The following ATP11B variants were observed in gnomAD, a reference collection of about 807,000 sequenced individuals.
The protein encoded by ATP11B is phospholipid-transporting ATPase IF.
A neutral mutation model predicts 157.8 loss-of-function variants in ATP11B; 81 were observed. The ratio of observed to expected loss-of-function variants is 0.51; its 90% CI spans 0.43 to 0.62. ATP11B has a LOEUF of 0.62. ATP11B is among the 20% of genes least tolerant of loss of function. ATP11B has a pLI of 0.00. For missense variants in ATP11B, 1,165 were observed against 1,402.2 expected, an observed-to-expected ratio of 0.83 and a Z score of 2.70; for synonymous variants, 451 against 469.4, an observed-to-expected ratio of 0.96 and a Z score of 0.51.
intron 2 of ATP11B, among the ~76,000 whole-genome samples, chr3:182,823,116 G>T (rs1354792762): frequency 3.7e-4 from 56 of 152,100 alleles, no homozygotes; most frequent in Non-Finnish European, 6.8e-4. Context: ...CTCTTTAGTT[G>T]AATTAGATCC....
intron 1 of ATP11B, among the ~76,000 whole-genome samples, chr3:182,813,053 CT>C (rs1163506182): frequency 6.6e-6 from 1 of 152,144 alleles, no homozygotes; most frequent in Non-Finnish European, 1.5e-5. Context: ...CATTTTCTTC[CT>C]TTTTAATGCT....
At position 182,918,219 on chromosome 3, in the gene ATP11B, T is replaced by C. The variant is rs1725262560; in HGVS notation, c.*115T>C. 5.5e-6 allele frequency: 8 copies of C among 1,448,040 alleles called. No individual in the cohort carries two copies. The highest frequency in any genetic ancestry group is 7.4e-6 in the Non-Finnish European group (8 of 1,073,842). The allele number at this position is 1,448,040 out of a possible 1,614,324, so 89.7% of individuals were successfully genotyped here. A position where few individuals can be genotyped will look rare whatever the true frequency, so the allele number is the denominator to read the frequency against. On this transcript the variant is annotated 3_prime_UTR_variant, in exon 30 of 30. Transcript: ENST00000323116. ...TTAATTTCCAAAATCTTTGTAGTAG[T>C]TCATACCCACTCAGAGTTATAATGG...
intron 26 of ATP11B, among the ~76,000 whole-genome samples, chr3:182,897,029 G>A (rs185483001): frequency 8.7e-4 from 133 of 152,222 alleles, no homozygotes; most frequent in Admixed American, 8.5e-4. Flanking sequence ...GTGCAAGACA[G>A]CGTAATTTGT....
At chr3:182,794,639 A>C (rs983772038) in intron 1 of ATP11B, among the ~76,000 whole-genome samples, 5 of 152,274 alleles carry the variant, frequency 3.3e-5, no homozygotes, top group Admixed American at 6.5e-5. Context: ...AAGGCCTATA[A>C]AAAGTGCCAC....
At chr3:182,911,254 T>A (rs1442260005) in intron 28 of ATP11B, among the ~76,000 whole-genome samples, 1 of 78,276 alleles carries the variant, frequency 1.3e-5, no homozygotes, top group Non-Finnish European at 2.2e-5. Flanking sequence ...TTCCCCCCCA[T>A]CTCCTGCTAT....
intron 2 of ATP11B, among the ~76,000 whole-genome samples, chr3:182,824,732 G>A (rs1020967957): frequency 6.6e-6 from 1 of 152,048 alleles, no homozygotes; most frequent in Non-Finnish European, 1.5e-5. Flanking sequence ...AAATGTTTAC[G>A]GTAAATGAGG....
At chr3:182,898,052 A>T (rs1214150532) in intron 27 of ATP11B, among the ~76,000 whole-genome samples, 1 of 152,084 alleles carries the variant, frequency 6.6e-6, no homozygotes, top group East Asian at 1.9e-4. Context: ...AAAAATTTGG[A>T]TTAGCTAAAT....
rs1300394282 is a variant in ATP11B at position 182,857,796 on chromosome 3, C to T, written c.852-82C>T. ...TACCCTCTATGTTTTAATATCTTCT[C>T]TAATACAAGTACTAATTTTCAAGCA... On this transcript the variant is annotated intron_variant, in intron 10 of 29. Coordinates refer to ENST00000323116, the MANE Select transcript of ATP11B (RefSeq NM_014616.3). 3.5e-6 allele frequency: 3 copies of T among 849,120 alleles called. No individual in the cohort carries two copies. The Admixed American group carries it at 7.0e-5, about 20-fold the overall frequency. 52.6% of individuals were successfully genotyped at this position (849,120 alleles called of 1,614,324 possible).
chr3:182,902,981 C>T (rs1290100619), intron 28 of ATP11B, among the ~76,000 whole-genome samples: 3 of 152,052 alleles, frequency 2.0e-5, no homozygotes, highest in Admixed American at 2.0e-4. Flanking sequence ...ATTGTAAATA[C>T]ATGTGCATAT....
chr3:182,916,320 G>C, intron 29 of ATP11B: 1 of 985,316 alleles, frequency 1.0e-6, no homozygotes, highest in African/African-American at 1.7e-5. Context: ...GCCCTTAGCT[G>C]TGTGTTCCAT....
intron 29 of ATP11B, chr3:182,914,387 C>G (rs1225109278): frequency 2.9e-5 from 29 of 986,186 alleles, no homozygotes; most frequent in Non-Finnish European, 1.9e-5. Flanking sequence ...ACAAAATAAT[C>G]TCAACATAAC....
chr3:182,826,640 G>A (rs950211606), intron 2 of ATP11B, among the ~76,000 whole-genome samples: 2 of 152,104 alleles, frequency 1.3e-5, no homozygotes, highest in Non-Finnish European at 2.9e-5. Flanking sequence ...CACTGCTGCC[G>A]CCACTACTCA....
chr3:182,829,075 G>A (rs7610822), intron 3 of ATP11B, among the ~76,000 whole-genome samples: 5,297 of 152,144 alleles, frequency 0.035, 312 homozygotes, highest in African/African-American at 0.12. Flanking sequence ...CCCATAGACC[G>A]TTCGCTTGGC....
chr3:182,863,098 A>G (rs1233962838), intron 12 of ATP11B, among the ~76,000 whole-genome samples: 3 of 151,684 alleles, frequency 2.0e-5, no homozygotes, highest in Non-Finnish European at 4.4e-5. Context: ...TTGTATTTTT[A>G]GTAGAGATGG....
chr3:182,793,920 G>A lies in ATP11B; in HGVS notation c.27+134G>A, dbSNP rs368253078. 1.3e-5 allele frequency: 6 copies of A among 460,380 alleles called. No homozygotes were observed. In the East Asian group the frequency reaches 2.3e-4, roughly 17 times the overall value. 28.5% of individuals were successfully genotyped at this position (460,380 alleles called of 1,614,324 possible). A position where few individuals can be genotyped will look rare whatever the true frequency, so the allele number is the denominator to read the frequency against. Reference sequence around the variant, plus strand: ...CGCCCGGCTAGGCCGCAGCGGAGACGGGCGCGGGGCCCAGAGCCGGAGAAG... The same window carrying A: ...CGCCCGGCTAGGCCGCAGCGGAGACAGGCGCGGGGCCCAGAGCCGGAGAAG... On this transcript the variant is annotated intron_variant, in intron 1 of 29. Coordinates refer to ENST00000323116, the MANE Select transcript of ATP11B (RefSeq NM_014616.3).
intron 25 of ATP11B, among the ~76,000 whole-genome samples, chr3:182,889,955 A>C (rs1399047377): frequency 6.6e-6 from 1 of 151,950 alleles, no homozygotes; most frequent in Non-Finnish European, 1.5e-5. Context: ...TATTACTCCC[A>C]TTTTTCAGAT....
At chr3:182,805,839 T>C (rs911339891) in intron 1 of ATP11B, among the ~76,000 whole-genome samples, 4 of 152,264 alleles carry the variant, frequency 2.6e-5, no homozygotes, top group Admixed American at 1.3e-4. Context: ...ATTCTAGATA[T>C]AAGACCTTTA....
At chr3:182,824,006 C>A (rs189827242) in intron 2 of ATP11B, among the ~76,000 whole-genome samples, 2 of 151,960 alleles carry the variant, frequency 1.3e-5, no homozygotes, top group Non-Finnish European at 2.9e-5. Flanking sequence ...CTCCTCACCC[C>A]CCAGGCACTA....
chr3:182,869,962 C>G (rs1212659933), intron 17 of ATP11B, among the ~76,000 whole-genome samples: 2 of 152,064 alleles, frequency 1.3e-5, no homozygotes. Context: ...ACAACATGGA[C>G]GAATCTTGAA....
Sources: allele counts gnomAD v4.1 joint callset (sites outside exome capture counted in the v4.1 genomes callset), GRCh38; gene constraint gnomAD v4.1.1; transcripts MANE v1.5; gene names NCBI Gene and HGNC (gene_info 2026-07-23, HGNC 2026-07-21).